The following MOV10L1 variants were observed in gnomAD, a reference collection of about 807,000 sequenced individuals.
MOV10L1 encodes the protein RNA helicase Mov10l1.
MOV10L1 carries 110 observed loss-of-function variants against 143.8 expected under a neutral mutation model. That is an observed-to-expected ratio of 0.76 (90% CI 0.66 to 0.90). MOV10L1 has a LOEUF of 0.90. Among genes scored for constraint, MOV10L1 ranks in the 40% least tolerant of loss-of-function variants. MOV10L1 has a pLI of 0.00. For missense variants in MOV10L1, 1,406 were observed against 1,526.8 expected, an observed-to-expected ratio of 0.92 and a Z score of 1.32; for synonymous variants, 593 against 581.1, an observed-to-expected ratio of 1.02 and a Z score of -0.29.
chr22:50,160,413 ATT>A (rs773599179), intron 24 of MOV10L1, among the ~76,000 whole-genome samples: 1 of 142,474 alleles, frequency 7.0e-6, no homozygotes. Context: ...CGCCCAGCTA[ATT>A]TTTTTTTTTT....
rs1199206540 is a variant in MOV10L1 at position 50,105,106 on chromosome 22, G to T, written c.443-3030G>T. 2.6e-5 allele frequency among the ~76,000 whole-genome samples: 4 copies of T among 152,252 alleles called. No individual in the cohort carries two copies. The South Asian group carries it at 6.2e-4, about 24-fold the overall frequency. On this transcript the variant is annotated intron_variant, in intron 3 of 26. Transcript: ENST00000262794. ...AGGGTTTCACCGCATTGCCCAGGCT[G>T]TTCTTGAGCCACAGTGTTTTTAATT...
At chr22:50,133,923 A>G (rs1358711551) in intron 13 of MOV10L1, 84 bp from the exon 14 acceptor site, 3 of 1,085,080 alleles carry the variant, frequency 2.8e-6, no homozygotes, top group Admixed American at 2.4e-5. Context: ...TAAAGATTGT[A>G]TCATAAAATT....
chr22:50,106,947 C>T (rs1386803312), intron 3 of MOV10L1, among the ~76,000 whole-genome samples: 5 of 151,726 alleles, frequency 3.3e-5, no homozygotes, highest in South Asian at 2.1e-4. Context: ...ATGATCCACC[C>T]GCCTCGGCCT....
At chr22:50,157,051 G>A (rs2063444791) in intron 22 of MOV10L1, among the ~76,000 whole-genome samples, 1 of 152,176 alleles carries the variant, frequency 6.6e-6, no homozygotes, top group South Asian at 2.1e-4. Flanking sequence ...AGCCATCTTA[G>A]TGGGAGTGAG....
chr22:50,107,411 A>C (rs1185335606), intron 3 of MOV10L1, among the ~76,000 whole-genome samples: 1 of 152,224 alleles, frequency 6.6e-6, no homozygotes, highest in African/African-American at 2.4e-5. Flanking sequence ...TGTCGAATGT[A>C]GGTGTCAGCT....
At chr22:50,144,608 G>C (rs2063088004) in intron 18 of MOV10L1, among the ~76,000 whole-genome samples, 1 of 151,340 alleles carries the variant, frequency 6.6e-6, no homozygotes, top group Non-Finnish European at 1.5e-5. Flanking sequence ...TTGAGACGGA[G>C]TCTCGCTGTG....
chr22:50,139,122 G>A (rs1398971286), intron 15 of MOV10L1, among the ~76,000 whole-genome samples: 2 of 151,988 alleles, frequency 1.3e-5, no homozygotes, highest in South Asian at 2.1e-4. Flanking sequence ...CTCTTGGGCC[G>A]GAAGATTCCA....
At chr22:50,123,877 G>C (rs2062421392) in intron 10 of MOV10L1, among the ~76,000 whole-genome samples, 1 of 152,086 alleles carries the variant, frequency 6.6e-6, no homozygotes, top group Non-Finnish European at 1.5e-5. Flanking sequence ...GTTTAGTCTT[G>C]GTAGGTTTTG....
At chr22:50,109,342 T>C (rs1311262453) in intron 5 of MOV10L1, among the ~76,000 whole-genome samples, 2 of 150,886 alleles carry the variant, frequency 1.3e-5, no homozygotes, top group African/African-American at 4.9e-5. Flanking sequence ...CTGGGCAACA[T>C]AGTGAGACCC....
chr22:50,109,100 C>T (rs4838837), intron 5 of MOV10L1, among the ~76,000 whole-genome samples: 34,569 of 152,026 alleles, frequency 0.23, 4,288 homozygotes, highest in Admixed American at 0.35. Flanking sequence ...GCTGAGATTG[C>T]GCCACTGCAC....
Position 50,114,996 on chromosome 22 carries a change from T to TTTTGTGTGCATCTGTC in MOV10L1, c.1127-109_1127-94dup, listed in dbSNP as rs1233240518. The TTTTGTGTGCATCTGTC allele has an allele frequency of 4.3e-6, 5 of 1,170,070 alleles. No individual in the cohort carries two copies. The African/African-American group carries it at 7.7e-5, about 18-fold the overall frequency. The allele number at this position is 1,170,070 out of a possible 1,614,324, so 72.5% of individuals were successfully genotyped here. A position where few individuals can be genotyped will look rare whatever the true frequency, so the allele number is the denominator to read the frequency against. On this transcript the variant is annotated intron_variant, in intron 7 of 26. Transcript: ENST00000262794. The stretch of plus-strand genomic sequence containing the variant: ...CACCACCTGAGGCTTTGCCCCGTGT[T>TTTTGTGTGCATCTGTC]TTTGTGTGCATCTGTCTTTGTGTGT...
chr22:50,146,857 G>A (rs1309898543), intron 19 of MOV10L1: 2 of 547,342 alleles, frequency 3.7e-6, no homozygotes, highest in South Asian at 2.0e-5. Flanking sequence ...TTAGTAGAAC[G>A]TGATTGATGA....
At chr22:50,123,536 T>C (rs1215057993) in intron 10 of MOV10L1, among the ~76,000 whole-genome samples, 2 of 152,198 alleles carry the variant, frequency 1.3e-5, no homozygotes, top group African/African-American at 2.4e-5. Context: ...AGCTAATCCT[T>C]TTCATATGCT....
chr22:50,137,717 T>C (rs767791007), intron 15 of MOV10L1, among the ~76,000 whole-genome samples: 1 of 148,466 alleles, frequency 6.7e-6, no homozygotes, highest in Non-Finnish European at 1.5e-5. Context: ...AAAATACATA[T>C]GTATATACAC....
At chr22:50,122,188 G>A (rs2062366070) in intron 10 of MOV10L1, among the ~76,000 whole-genome samples, 2 of 152,190 alleles carry the variant, frequency 1.3e-5, no homozygotes, top group Admixed American at 1.3e-4. Flanking sequence ...CTATGAACAT[G>A]GAATGTGTTA....
intron 7 of MOV10L1, 94 bp from the exon 8 acceptor site, chr22:50,115,014 TTGTGTG>T (rs963092647): frequency 7.7e-7 from 1 of 1,306,794 alleles, no homozygotes; most frequent in African/African-American, 1.5e-5. Flanking sequence ...GCATCTGTCT[TTGTGTG>T]TGTGAGAGAG....
intron 18 of MOV10L1, among the ~76,000 whole-genome samples, chr22:50,144,468 T>C (rs565333423): frequency 3.3e-5 from 5 of 152,392 alleles, no homozygotes; most frequent in Admixed American, 3.3e-4. Flanking sequence ...TTATCACACC[T>C]ATTGTGGGCA....
At chr22:50,146,936 G>T in intron 19 of MOV10L1, 1 of 838,940 alleles carries the variant, frequency 1.2e-6, no homozygotes, top group Non-Finnish European at 1.9e-6. Context: ...GAGCATGTCA[G>T]GTTTCAGACT....
At chr22:50,136,885 G>A (rs2062835394) in intron 15 of MOV10L1, among the ~76,000 whole-genome samples, 1 of 152,160 alleles carries the variant, frequency 6.6e-6, no homozygotes, top group Non-Finnish European at 1.5e-5. Context: ...AAATAGCTGT[G>A]CCCACAGCCA....
Sources: gnomAD v4.1 joint callset for allele counts (sites outside exome capture counted in the v4.1 genomes callset) on GRCh38, gnomAD v4.1.1 for gene constraint, MANE v1.5 for transcripts, NCBI Gene and HGNC (gene_info 2026-07-23, HGNC 2026-07-21) for gene names.